NAA25: variants seen among roughly 807,000 people sequenced by gnomAD.
NAA25 encodes the protein N-terminal acetyltransferase B complex subunit NAA25.
In NAA25, 30 loss-of-function variants were observed where a neutral mutation model predicts 132.5. The observed-to-expected ratio is 0.23, with a 90% CI of 0.17 to 0.31. NAA25 has a LOEUF of 0.31. Ranked by LOEUF, NAA25 falls within the 10% of genes least tolerant of loss-of-function variation. The probability of loss-of-function intolerance (pLI) is 1.00; values close to 1 mark genes in which losing one functional copy is unlikely to be tolerated. For missense variants in NAA25, 771 were observed against 1,150.4 expected, an observed-to-expected ratio of 0.67 and a Z score of 4.77; for synonymous variants, 359 against 401.9, an observed-to-expected ratio of 0.89 and a Z score of 1.28.
intron 1 of NAA25, among the ~76,000 whole-genome samples, chr12:112,107,468 T>C (rs1263585078): frequency 1.3e-5 from 2 of 151,648 alleles, no homozygotes; most frequent in African/African-American, 4.8e-5. Context: ...AAGATTATAT[T>C]AGATAACCCA....
intron 4 of NAA25, among the ~76,000 whole-genome samples, chr12:112,086,051 A>AAAAAAAAAAATATAT: frequency 2.7e-5 from 1 of 37,378 alleles, no homozygotes; most frequent in Admixed American, 5.0e-4. Flanking sequence ...AAAAAAAAAA[A>AAAAAAAAAAATATAT]ATATATATAT....
At position 112,039,335 on chromosome 12, in the gene NAA25, A is replaced by G. The variant is rs1334524993; in HGVS notation, c.2543T>C (p.Ile848Thr). ...LENLVFFVETISVILWVSSYC... is the reference protein window; with the variant it reads ...LENLVFFVETTSVILWVSSYC... ...ACTGGATACCCAAAGGATAACAGAA[A>G]TAGTCTGAAAGGAAAAATTGCAAAT... Residue 848 changes from isoleucine to threonine, a missense_variant, in exon 22 of 24, where the codon ATT becomes ACT. Around this residue, in one of 3 missense-constraint regions of NAA25, gnomAD observed 324 missense variants for 400.0 expected, o/e 0.81. Coordinates refer to ENST00000261745, the MANE Select transcript of NAA25 (RefSeq NM_024953.4). 1.9e-6 allele frequency: 3 copies of G among 1,597,256 alleles called. No individual in the cohort carries two copies. The highest frequency in any genetic ancestry group is 2.2e-5 in the South Asian group (2 of 89,414).
rs554057445 is a variant in NAA25 at position 112,049,249 on chromosome 12, C to T, written c.1729-806G>A. Among the ~76,000 whole-genome samples, 3 of 152,312 alleles carry T rather than the reference C, an allele frequency of 2.0e-5. No homozygotes were observed. In the East Asian group the frequency reaches 5.8e-4, roughly 29 times the overall value. On this transcript the variant is annotated intron_variant, in intron 15 of 23. Transcript: ENST00000261745. This position sits in a 1 kb window ranked among gnomAD's most constrained non-coding sequence, Gnocchi z 4.7. ...ATTCTGGCACAATAGAAGAAAATCTCAGGGAAGAACATTTCATGGGTGTGG... is the reference window on the plus strand; with the variant it reads ...ATTCTGGCACAATAGAAGAAAATCTTAGGGAAGAACATTTCATGGGTGTGG...
At chr12:112,075,314 G>A (rs79436309) in intron 8 of NAA25, among the ~76,000 whole-genome samples, 2,338 of 151,880 alleles carry the variant, frequency 0.015, 73 homozygotes, top group African/African-American at 0.053. Flanking sequence ...TCAGCTTCCC[G>A]AGGGGCTGGG....
chr12:112,067,074 C>T (rs1232183754), intron 11 of NAA25, among the ~76,000 whole-genome samples: 1 of 152,124 alleles, frequency 6.6e-6, no homozygotes, highest in Non-Finnish European at 1.5e-5. Flanking sequence ...TAGTAGCACA[C>T]CAGTAATCCC....
At chr12:112,054,712 G>T in intron 13 of NAA25, 144 bp from the exon 14 acceptor site, 1 of 709,762 alleles carries the variant, frequency 1.4e-6, no homozygotes, top group Non-Finnish European at 2.3e-6. Context: ...ATATACACCT[G>T]TAACCAAAAT....
chr12:112,079,571 G>GAA (rs760605292), intron 5 of NAA25, among the ~76,000 whole-genome samples: 3 of 134,316 alleles, frequency 2.2e-5, no homozygotes, highest in Non-Finnish European at 3.2e-5. Context: ...TTGGACAACA[G>GAA]AAAAAAAAAA....
chr12:112,103,322 C>T (rs912562275), intron 1 of NAA25, among the ~76,000 whole-genome samples: 2 of 152,140 alleles, frequency 1.3e-5, no homozygotes, highest in East Asian at 3.8e-4. Flanking sequence ...CTTGTTAACA[C>T]TTGGCCAAAA....
chr12:112,067,801 T>C (rs1056775098), intron 11 of NAA25, among the ~76,000 whole-genome samples: 1 of 152,232 alleles, frequency 6.6e-6, no homozygotes, highest in Admixed American at 6.5e-5. Flanking sequence ...GTTGCTGTGA[T>C]CTCAGATCAC....
chr12:112,039,153 G>A, intron 22 of NAA25, 76 bp downstream of exon 22: 1 of 891,848 alleles, frequency 1.1e-6, no homozygotes, highest in South Asian at 2.0e-5. Context: ...GACTCAACAT[G>A]GAGGAAAACA....
At position 112,028,129 on chromosome 12, in the gene NAA25, A is replaced by G. The variant is rs1359053589; in HGVS notation, c.*1402T>C. 6.6e-6 allele frequency: 1 copy of G among 152,192 alleles called. No individual in the cohort carries two copies. The highest frequency in any genetic ancestry group is 1.5e-5 in the Non-Finnish European group (1 of 68,032). 9.4% of individuals were successfully genotyped at this position (152,192 alleles called of 1,614,324 possible). A position where few individuals can be genotyped will look rare whatever the true frequency, so the allele number is the denominator to read the frequency against. On this transcript the variant is annotated 3_prime_UTR_variant, in exon 24 of 24. Transcript: ENST00000261745. ...TTCCCAGCTCTCTTGGTTGCTTTTA[A>G]AAGAAAAAAGTACCACATTTCACTG... is the stretch of plus-strand genomic sequence containing the variant.
intron 15 of NAA25, among the ~76,000 whole-genome samples, chr12:112,052,330 G>C (rs916522118): frequency 3.1e-4 from 47 of 152,132 alleles, no homozygotes; most frequent in African/African-American, 1.1e-3. Context: ...CTCAGATGCT[G>C]ATACTCATTT....
At chr12:112,090,607 G>A (rs1454651784) in intron 3 of NAA25, 119 bp downstream of exon 3, 32 of 975,670 alleles carry the variant, frequency 3.3e-5, no homozygotes, top group Middle Eastern at 2.9e-4. Flanking sequence ...TGGCTAATGC[G>A]TTATTCTACC....
At position 112,075,779 on chromosome 12, in the gene NAA25, T is replaced by A. The variant is rs1245462574; in HGVS notation, c.675A>T (p.Thr225=). ...TATTTTCCCGACTCTGAATCTCACT[T>A]GTCAACTTCTCTAAAATCAAAAGTT... The part of the protein sequence containing the change: ...VIRGKLGEKL[T]SEIQSRENKC... The change falls in exon 8 of 24, where the codon ACA becomes ACT. Residue 225 remains threonine, a synonymous_variant. Transcript: ENST00000261745. The A allele has an allele frequency of 6.2e-7, 1 of 1,613,792 alleles. No homozygotes were observed. The highest frequency in any genetic ancestry group is 8.5e-7 in the Non-Finnish European group (1 of 1,179,712).
In NAA25 at chr12:112,039,285, A is replaced by G. The variant is rs532435876; in HGVS notation, c.2593T>C (p.Tyr865His). Residue 865 changes from tyrosine to histidine, a missense_variant, in exon 22 of 24, where the codon TAC (tyrosine) becomes CAC (histidine). By Grantham distance (83) the Tyr-to-His change is moderately conservative. Coordinates refer to ENST00000261745, the MANE Select transcript of NAA25 (RefSeq NM_024953.4). ...TTCTTTTTCTGTAAATTTAGTTTGTATGGTCGTAGGACACTCTCACAGTAA... is the reference window on the plus strand; with the variant it reads ...TTCTTTTTCTGTAAATTTAGTTTGTGTGGTCGTAGGACACTCTCACAGTAA... ...SSYCESVLRP[Y>H]KLNLQKKKKK... is the part of the protein sequence containing the mutation. 1 of 1,607,992 alleles carries G rather than the reference A, an allele frequency of 6.2e-7. No individual in the cohort carries two copies. The highest frequency in any genetic ancestry group is 2.2e-5 in the East Asian group (1 of 44,660).
chr12:112,098,694 C>T (rs1358257051), intron 1 of NAA25, among the ~76,000 whole-genome samples: 5 of 152,128 alleles, frequency 3.3e-5, no homozygotes, highest in Non-Finnish European at 7.4e-5. Flanking sequence ...CGGGTGAGTG[C>T]CATTCCAAAT....
chr12:112,082,977 A>C (rs2078994865), intron 4 of NAA25, among the ~76,000 whole-genome samples: 1 of 152,194 alleles, frequency 6.6e-6, no homozygotes, highest in African/African-American at 2.4e-5. Flanking sequence ...TAGCAGGAAA[A>C]GTGTTGAAAG....
At chr12:112,082,981 T>C (rs1265144146) in intron 4 of NAA25, among the ~76,000 whole-genome samples, 4 of 152,122 alleles carry the variant, frequency 2.6e-5, no homozygotes, top group African/African-American at 4.8e-5. Flanking sequence ...AGGAAAAGTG[T>C]TGAAAGGTAG....
At chr12:112,069,029 G>T in intron 10 of NAA25, 37 bp from the exon 11 acceptor site, 2 of 1,120,034 alleles carry the variant, frequency 1.8e-6, no homozygotes, top group Non-Finnish European at 2.7e-6. Flanking sequence ...TATTACTCAT[G>T]AACAGAAGCA....
Sources: gnomAD v4.1 joint callset for allele counts (sites outside exome capture counted in the v4.1 genomes callset) on GRCh38, gnomAD v4.1.1 for gene constraint, gnomAD v4.1.1 regional missense constraint, Gnocchi (gnomAD v3.1) non-coding constraint, MANE v1.5 for transcripts, NCBI Gene and HGNC (gene_info 2026-07-23, HGNC 2026-07-21) for gene names.